AGBL4: variants seen among roughly 807,000 people sequenced by gnomAD.
AGBL4 encodes cytosolic carboxypeptidase 6.
AGBL4 carries 58 observed loss-of-function variants against 66.4 expected under a neutral mutation model. The ratio of observed to expected loss-of-function variants is 0.87; its 90% CI spans 0.71 to 1.09. AGBL4 has a LOEUF of 1.09. Ranked by LOEUF, AGBL4 falls within the 50% of genes least tolerant of loss-of-function variation. The probability of loss-of-function intolerance (pLI) is 0.00; values close to 1 mark genes in which losing one functional copy is unlikely to be tolerated. For missense variants in AGBL4, 579 were observed against 631.0 expected (o/e 0.92, Z 0.88); for synonymous variants, 234 against 222.9 (o/e 1.05, Z -0.44).
chr1:49,723,674 C>G (rs1041211231), intron 2 of AGBL4, among the ~76,000 whole-genome samples: 2 of 152,126 alleles, frequency 1.3e-5, no homozygotes, highest in Non-Finnish European at 2.9e-5. Flanking sequence ...AAGAATTAAT[C>G]TTTCCCCATC....
chr1:49,852,267 A>C lies in AGBL4; in HGVS notation c.35-749T>G, dbSNP rs1646322519. Among the ~76,000 whole-genome samples, 3 of 152,314 alleles carry C rather than the reference A, an allele frequency of 2.0e-5. No individual in the cohort carries two copies. In the South Asian group the frequency reaches 6.2e-4, roughly 32 times the overall value. On this transcript the variant is annotated intron_variant, in intron 1 of 13. Coordinates refer to ENST00000371839, the MANE Select transcript of AGBL4 (RefSeq NM_032785.4). Reference sequence around the variant, plus strand: ...CTCACCAAAAAGAGTATGGGAAGCAAGCAGTGACTCCTTCATGGCAGAGCA... The same window carrying C: ...CTCACCAAAAAGAGTATGGGAAGCACGCAGTGACTCCTTCATGGCAGAGCA...
intron 1 of AGBL4, among the ~76,000 whole-genome samples, chr1:49,874,452 G>A (rs1215009439): frequency 6.6e-6 from 1 of 152,040 alleles, no homozygotes; most frequent in East Asian, 1.9e-4. Context: ...TAAATTGTAT[G>A]CTAAAAAACC....
At chr1:49,512,610 G>C (rs1266961709) in intron 3 of AGBL4, among the ~76,000 whole-genome samples, 1 of 151,604 alleles carries the variant, frequency 6.6e-6, no homozygotes, top group African/African-American at 2.4e-5. Context: ...TGCCGTGATT[G>C]GAAGCCTCCT....
intron 2 of AGBL4, among the ~76,000 whole-genome samples, chr1:49,763,930 C>T (rs986309119): frequency 2.6e-5 from 4 of 152,260 alleles, no homozygotes; most frequent in Non-Finnish European, 5.9e-5. Context: ...ACCCCCATGC[C>T]CCTGCTACTT....
intron 2 of AGBL4, among the ~76,000 whole-genome samples, chr1:49,711,212 C>A (rs548580277): frequency 2.0e-4 from 31 of 152,084 alleles, no homozygotes; most frequent in African/African-American, 6.5e-4. Flanking sequence ...TAAATGTACA[C>A]CAATTATATG....
At chr1:48,702,095 C>A (rs1646811233) in intron 6 of AGBL4, among the ~76,000 whole-genome samples, 1 of 152,142 alleles carries the variant, frequency 6.6e-6, no homozygotes. Context: ...CACCCCCATG[C>A]CAAACTGTGT....
intron 4 of AGBL4, among the ~76,000 whole-genome samples, chr1:49,151,612 T>A (rs1646336735): frequency 6.6e-6 from 1 of 151,004 alleles, no homozygotes; most frequent in Admixed American, 6.6e-5. Context: ...GGGGCAGTGT[T>A]GAGCAAATAA....
At chr1:49,937,258 G>A (rs1654171030) in intron 1 of AGBL4, among the ~76,000 whole-genome samples, 1 of 152,032 alleles carries the variant, frequency 6.6e-6, no homozygotes, top group Non-Finnish European at 1.5e-5. Flanking sequence ...ATTACATAAT[G>A]GTAAAGGGAT....
chr1:49,338,730 G>C (rs1031164989), intron 3 of AGBL4, among the ~76,000 whole-genome samples: 2 of 152,146 alleles, frequency 1.3e-5, no homozygotes, highest in Non-Finnish European at 2.9e-5. Context: ...GGAAATATCT[G>C]CTCCGATGAT....
rs138273888 is a variant in AGBL4, at chr1:49,752,472, G to A, written c.158-55035C>T. Reference sequence around the variant, plus strand: ...TTATGATTTCTTTTGCATATACTGAGGAGTCTGTTACTCCTAGTTATGTGA... The same window carrying A: ...TTATGATTTCTTTTGCATATACTGAAGAGTCTGTTACTCCTAGTTATGTGA... On this transcript the variant is annotated intron_variant, in intron 2 of 13. Transcript: ENST00000371839. 1.2e-4 allele frequency among the ~76,000 whole-genome samples: 19 copies of A among 152,230 alleles called. No homozygotes were observed. The East Asian group carries it at 3.7e-3, about 29-fold the overall frequency.
chr1:49,488,298 A>AT (rs963672610), intron 3 of AGBL4, among the ~76,000 whole-genome samples: 18 of 151,356 alleles, frequency 1.2e-4, no homozygotes, highest in Admixed American at 1.1e-3. Context: ...ATATTTTTGT[A>AT]TTTTATCATG....
intron 1 of AGBL4, among the ~76,000 whole-genome samples, chr1:49,954,613 T>C (rs974221653): frequency 6.6e-6 from 1 of 152,008 alleles, no homozygotes; most frequent in African/African-American, 2.4e-5. Context: ...TATTCTGTTA[T>C]AGTAGCAAAA....
chr1:49,660,560 A>G (rs1184292839), intron 3 of AGBL4, among the ~76,000 whole-genome samples: 1 of 152,208 alleles, frequency 6.6e-6, no homozygotes, highest in African/African-American at 2.4e-5. Flanking sequence ...TCAAGTATCT[A>G]GAACCAGAAA....
intron 1 of AGBL4, among the ~76,000 whole-genome samples, chr1:49,937,082 A>G (rs1654142421): frequency 6.6e-6 from 1 of 152,220 alleles, no homozygotes; most frequent in Non-Finnish European, 1.5e-5. Context: ...AGTGTGCTGT[A>G]TTCAGGAAAC....
At chr1:48,957,469 A>G (rs1657577435) in intron 5 of AGBL4, among the ~76,000 whole-genome samples, 1 of 152,184 alleles carries the variant, frequency 6.6e-6, no homozygotes. Context: ...CTAGAAATGG[A>G]ATGGGTGGCT....
chr1:49,438,054 T>A (rs535384761), intron 3 of AGBL4, among the ~76,000 whole-genome samples: 1 of 152,168 alleles, frequency 6.6e-6, no homozygotes, highest in Non-Finnish European at 1.5e-5. Flanking sequence ...CCACATCATA[T>A]CTTTTAATCT....
At chr1:49,260,084 A>G (rs1187893261) in intron 3 of AGBL4, among the ~76,000 whole-genome samples, 2 of 150,238 alleles carry the variant, frequency 1.3e-5, no homozygotes, top group Admixed American at 6.6e-5. Flanking sequence ...ATGAAGGCAG[A>G]AATAAAGATG....
rs542461966 is a variant in AGBL4, at chr1:48,960,773, C to T, written c.594+84811G>A. Among the ~76,000 whole-genome samples the T allele has an allele frequency of 7.2e-4, 109 of 152,246 alleles. 2 individuals are homozygous for T. Among genetic ancestry groups the T allele is most frequent in the Admixed American group, 2.0e-3 (30 of 15,296 alleles). The stretch of plus-strand genomic sequence containing the variant: ...TATATTCTGCTATAGAGTTAGTAGA[C>T]GCAGGCTCAAACCCATTAGCTGCTT... On this transcript the variant is annotated intron_variant, in intron 5 of 13. Coordinates refer to ENST00000371839, the MANE Select transcript of AGBL4 (RefSeq NM_032785.4).
chr1:48,824,256 G>A lies in AGBL4; in HGVS notation c.634+42935C>T, dbSNP rs577749260. Among the ~76,000 whole-genome samples, 5 of 152,338 alleles carry A rather than the reference G, an allele frequency of 3.3e-5. No homozygotes were observed. The South Asian group carries it at 1.0e-3, about 32-fold the overall frequency. On this transcript the variant is annotated intron_variant, in intron 6 of 13. Transcript: ENST00000371839. ...ACAGTCACAAACCAGCACACCAAGA[G>A]CTAGGACCTAAAATACATGGGGGTC... is the stretch of plus-strand genomic sequence containing the variant.
Sources: allele counts gnomAD v4.1 joint callset (sites outside exome capture counted in the v4.1 genomes callset), GRCh38; gene constraint gnomAD v4.1.1; transcripts MANE v1.5; gene names NCBI Gene and HGNC (gene_info 2026-07-23, HGNC 2026-07-21).